The following CEP128 variants were observed in gnomAD, a reference collection of about 807,000 sequenced individuals.
CEP128 encodes centrosomal protein 128kDa.
Under a neutral mutation model 156.7 loss-of-function variants are expected in CEP128, and 132 were observed. The ratio of observed to expected loss-of-function variants is 0.84; its 90% confidence interval spans 0.73 to 0.97. The LOEUF (loss-of-function observed/expected upper bound fraction) is 0.97. CEP128 is among the 50% of genes least tolerant of loss of function. The pLI is 0.00. For synonymous variants in CEP128, 469 were observed against 448.9 expected (o/e 1.04, Z -0.57); for missense variants, 1,252 against 1,281.9 (o/e 0.98, Z 0.36).
intron 15 of CEP128, among the ~76,000 whole-genome samples, 177 bp from the exon 16 acceptor site, chr14:80,778,223 C>A (rs79664929): frequency 6.6e-6 from 1 of 152,178 alleles, no homozygotes; most frequent in Non-Finnish European, 1.5e-5. Context: ...TTCAATCGCT[C>A]ATCAGTATTT....
rs188512111 is a variant in CEP128, at chr14:80,505,034, G to C, written c.3073-14C>G. The C allele has an allele frequency of 7.1e-7, 1 of 1,416,384 alleles. No individual in the cohort carries two copies. 87.7% of individuals were successfully genotyped at this position (1,416,384 alleles called of 1,614,324 possible). ...GGTTCTGTCACCCTAAGGAAAAAAA[G>C]GCACAGCATTTCAATGATTACACAA... is the stretch of plus-strand genomic sequence containing the variant. On this transcript the variant is annotated splice_polypyrimidine_tract_variant and intron_variant, in intron 23 of 24. Coordinates refer to ENST00000555265, the MANE Select transcript of CEP128 (RefSeq NM_152446.5).
chr14:80,715,285 T>C (rs1003044295), intron 19 of CEP128, among the ~76,000 whole-genome samples: 4 of 152,156 alleles, frequency 2.6e-5, no homozygotes, highest in African/African-American at 9.7e-5. Flanking sequence ...CAATGAATCT[T>C]TAGTCAAGAC....
chr14:80,834,834 G>A (rs1219376592), intron 12 of CEP128, among the ~76,000 whole-genome samples: 1 of 152,146 alleles, frequency 6.6e-6, no homozygotes, highest in Non-Finnish European at 1.5e-5. Context: ...TATATCACAT[G>A]AAACTTAATG....
intron 16 of CEP128, among the ~76,000 whole-genome samples, chr14:80,770,202 T>C (rs1900446089): frequency 6.6e-6 from 1 of 152,236 alleles, no homozygotes; most frequent in Admixed American, 6.5e-5. Flanking sequence ...CTGGTAAACT[T>C]TGACTTTACT....
At chr14:80,879,965 T>C (rs1888455870) in intron 8 of CEP128, among the ~76,000 whole-genome samples, 1 of 152,200 alleles carries the variant, frequency 6.6e-6, no homozygotes, top group Admixed American at 6.5e-5. Context: ...CTAGAATAAC[T>C]ACATCAAAAC....
At chr14:80,634,779 G>A (rs918394249) in intron 19 of CEP128, among the ~76,000 whole-genome samples, 5 of 152,106 alleles carry the variant, frequency 3.3e-5, no homozygotes, top group African/African-American at 4.8e-5. Flanking sequence ...CTTACCTCCC[G>A]ATGCCTGAAT....
chr14:80,640,291 C>T (rs1023840659), intron 19 of CEP128, among the ~76,000 whole-genome samples: 4 of 152,062 alleles, frequency 2.6e-5, no homozygotes, highest in Middle Eastern at 3.2e-3. Flanking sequence ...ATCATTATTG[C>T]TAAAACAAAC....
At chr14:80,727,470 C>T (rs553177812) in intron 19 of CEP128, among the ~76,000 whole-genome samples, 1 of 151,768 alleles carries the variant, frequency 6.6e-6, no homozygotes, top group South Asian at 2.1e-4. Context: ...AAAACCAAGG[C>T]GAAGATTACA....
intron 4 of CEP128, among the ~76,000 whole-genome samples, chr14:80,909,421 C>T (rs1274536935): frequency 6.9e-6 from 1 of 145,680 alleles, no homozygotes; most frequent in African/African-American, 2.6e-5. Flanking sequence ...TCCCTGCCAC[C>T]AAAAGAAAAA....
At chr14:80,669,412 A>T (rs1895752386) in intron 19 of CEP128, among the ~76,000 whole-genome samples, 1 of 152,214 alleles carries the variant, frequency 6.6e-6, no homozygotes, top group Admixed American at 6.5e-5. Flanking sequence ...TAAACTATGC[A>T]TCTGACAAGG....
chr14:80,785,704 T>G (rs1298611514), intron 14 of CEP128, among the ~76,000 whole-genome samples, 159 bp from the exon 15 acceptor site: 1 of 152,158 alleles, frequency 6.6e-6, no homozygotes, highest in Non-Finnish European at 1.5e-5. Context: ...AAAAATACTT[T>G]TAGGCCAGAA....
intron 19 of CEP128, among the ~76,000 whole-genome samples, chr14:80,626,775 C>T (rs191821707): frequency 6.6e-6 from 1 of 152,070 alleles, no homozygotes; most frequent in Admixed American, 6.6e-5. Context: ...ACTAAAAGTA[C>T]AAAAATTAGC....
At chr14:80,637,276 G>A (rs958479968) in intron 19 of CEP128, among the ~76,000 whole-genome samples, 1 of 152,060 alleles carries the variant, frequency 6.6e-6, no homozygotes, top group Non-Finnish European at 1.5e-5. Flanking sequence ...GGGATATTAA[G>A]GTTGTGAATC....
At chr14:80,689,290 C>CAAAAAAAAAAAAAAAAAAAAAAA (rs57054840) in intron 19 of CEP128, among the ~76,000 whole-genome samples, 1 of 96,658 alleles carries the variant, frequency 1.0e-5, no homozygotes, top group Non-Finnish European at 2.1e-5. Flanking sequence ...GACTCCGTCT[C>CAAAAAAAAAAAAAAAAAAAAAAA]AAAAAAAAAA....
intron 16 of CEP128, among the ~76,000 whole-genome samples, chr14:80,771,968 T>A (rs968468509): frequency 1.3e-5 from 2 of 152,202 alleles, no homozygotes; most frequent in African/African-American, 4.8e-5. Context: ...AAATAAGGTA[T>A]TGGGAGCTGA....
intron 2 of CEP128, among the ~76,000 whole-genome samples, chr14:80,936,198 AAACCC>A (rs1350586508): frequency 6.6e-6 from 1 of 152,216 alleles, no homozygotes; most frequent in African/African-American, 2.4e-5. Context: ...GTTTCACAGC[AAACCC>A]TGTATGCAGA....
rs187017783 is a variant in CEP128 at position 80,588,100 on chromosome 14, T to G, written c.2807-7677A>C. 6.6e-5 allele frequency among the ~76,000 whole-genome samples: 10 copies of G among 152,284 alleles called. No homozygotes were observed. In the East Asian group the frequency reaches 1.9e-3, roughly 29 times the overall value. ...ACCTACTACTGAACCAGATCTACGC[T>G]TCTTAGGCCTTGTAGATTCCTGGGT... is the stretch of plus-strand genomic sequence containing the variant. On this transcript the variant is annotated intron_variant, in intron 19 of 24. Transcript: ENST00000555265.
chr14:80,488,494 A>G (rs12589413), downstream of CEP128, among the ~76,000 whole-genome samples: 70,325 of 148,706 alleles, frequency 0.47, 17,818 homozygotes, highest in East Asian at 0.68. Flanking sequence ...ACAGGTGCTG[A>G]AGAGGATGTG....
intron 19 of CEP128, among the ~76,000 whole-genome samples, chr14:80,659,258 T>C (rs747916932): frequency 3.9e-5 from 6 of 152,130 alleles, no homozygotes; most frequent in Non-Finnish European, 8.8e-5. Context: ...AATTTTTTCC[T>C]ACAGCAGGAA....
Sources: allele counts gnomAD v4.1 joint callset (sites outside exome capture counted in the v4.1 genomes callset), GRCh38; gene constraint gnomAD v4.1.1; transcripts MANE v1.5; gene names NCBI Gene and HGNC (gene_info 2026-07-23, HGNC 2026-07-21).